Variants in SYT11 observed in about 807,000 individuals in gnomAD.
SYT11 encodes the protein synaptotagmin 11.
In SYT11, 12 loss-of-function variants were observed where a neutral mutation model predicts 30.4. The ratio of observed to expected loss-of-function variants is 0.39; its 90% CI spans 0.25 to 0.64. The LOEUF (loss-of-function observed/expected upper bound fraction) is 0.64. Ranked by LOEUF, SYT11 falls within the 30% of genes least tolerant of loss-of-function variation. The pLI is 0.45. For synonymous variants in SYT11, 204 were observed against 216.0 expected (o/e 0.94, Z 0.49); for missense variants, 412 against 552.0 (o/e 0.75, Z 2.54).
At chr1:155,863,418 A>C (rs1672622584) in intron 1 of SYT11, among the ~76,000 whole-genome samples, 1 of 151,896 alleles carries the variant, frequency 6.6e-6, no homozygotes, top group African/African-American at 2.4e-5. Flanking sequence ...GCACCACTGC[A>C]CTCCAGCCTG....
Position 155,859,661 on chromosome 1 carries a change from C to T in SYT11, c.-101C>T. On this transcript the variant is annotated 5_prime_UTR_variant, in exon 1 of 4. Coordinates refer to ENST00000368324, the MANE Select transcript of SYT11 (RefSeq NM_152280.5). ...GTCCGCTGGATACCTTCCCCCTTCC[C>T]TGACCTAGAGCTCTACAGCTGCTGC... The T allele has an allele frequency of 8.4e-7, 1 of 1,185,486 alleles. No individual in the cohort carries two copies. The highest frequency in any genetic ancestry group is 1.5e-5 in the African/African-American group (1 of 66,376). 73.4% of individuals were successfully genotyped at this position (1,185,486 alleles called of 1,614,324 possible).
chr1:155,861,853 G>A lies in SYT11; in HGVS notation c.34+2058G>A, dbSNP rs144721822. Among the ~76,000 whole-genome samples, 1,225 of 152,290 alleles carry A rather than the reference G, an allele frequency of 8.0e-3. 18 individuals carry two copies. Among genetic ancestry groups the A allele is most frequent in the African/African-American group, 0.028 (1,165 of 41,550 alleles). The stretch of plus-strand genomic sequence containing the variant: ...GGCTGGTCTTGAACTCCCGACCTCA[G>A]GTGATCTGCCTACCTTGGCCTCCCA... On this transcript the variant is annotated intron_variant, in intron 1 of 3. Transcript: ENST00000368324.
At chr1:155,879,129 T>C (rs927493666) in intron 2 of SYT11, among the ~76,000 whole-genome samples, 1 of 151,494 alleles carries the variant, frequency 6.6e-6, no homozygotes, top group African/African-American at 2.4e-5. Context: ...AAAATGTTCT[T>C]GGAGGGGCCA....
At chr1:155,863,952 A>G (rs1672630884) in intron 1 of SYT11, among the ~76,000 whole-genome samples, 2 of 152,102 alleles carry the variant, frequency 1.3e-5, no homozygotes, top group African/African-American at 4.8e-5. Context: ...ATGATGGCAC[A>G]TGCCTGTAGT....
At chr1:155,862,183 C>T (rs1020504589) in intron 1 of SYT11, among the ~76,000 whole-genome samples, 1 of 152,202 alleles carries the variant, frequency 6.6e-6, no homozygotes, top group African/African-American at 2.4e-5. Flanking sequence ...AATGCCACAG[C>T]ACTTGGGTGA....
At chr1:155,873,520 T>C (rs1282122237) in intron 2 of SYT11, among the ~76,000 whole-genome samples, 2 of 152,220 alleles carry the variant, frequency 1.3e-5, no homozygotes, top group East Asian at 3.8e-4. Flanking sequence ...ATTTAGTATT[T>C]AGATACTCAG....
At chr1:155,879,800 C>T (rs1243241956) in intron 2 of SYT11, among the ~76,000 whole-genome samples, 1 of 152,204 alleles carries the variant, frequency 6.6e-6, no homozygotes, top group Non-Finnish European at 1.5e-5. Flanking sequence ...TTATTTAATC[C>T]TTCTGATAAT....
At chr1:155,874,147 G>T (rs1232685064) in intron 2 of SYT11, among the ~76,000 whole-genome samples, 3 of 151,866 alleles carry the variant, frequency 2.0e-5, no homozygotes, top group Non-Finnish European at 4.4e-5. Flanking sequence ...GGTGATTCAC[G>T]CCGGTAATCC....
In SYT11 at chr1:155,859,690, G is replaced by C. The variant is rs1672515634; in HGVS notation, c.-72G>C. 3.4e-6 allele frequency: 5 copies of C among 1,458,914 alleles called. No individual in the cohort carries two copies. The highest frequency in any genetic ancestry group is 1.4e-5 in the African/African-American group (1 of 71,774). 90.4% of individuals were successfully genotyped at this position (1,458,914 alleles called of 1,614,324 possible). A position where few individuals can be genotyped will look rare whatever the true frequency, so the allele number is the denominator to read the frequency against. ...CCTAGAGCTCTACAGCTGCTGCCTC[G>C]GTACTGACCGAGGGTTCCCAGAGCT... On this transcript the variant is annotated 5_prime_UTR_variant, in exon 1 of 4. Transcript: ENST00000368324.
intron 2 of SYT11, among the ~76,000 whole-genome samples, chr1:155,876,305 G>A (rs990563842): frequency 1.4e-4 from 19 of 135,200 alleles, no homozygotes; most frequent in Non-Finnish European, 2.5e-4. Context: ...GAGTGCAGTG[G>A]CGCGATCTCG....
intron 1 of SYT11, among the ~76,000 whole-genome samples, chr1:155,861,866 C>T (rs1672597727): frequency 6.6e-6 from 1 of 152,226 alleles, no homozygotes; most frequent in African/African-American, 2.4e-5. Flanking sequence ...GATCTGCCTA[C>T]CTTGGCCTCC....
rs1407973412 is a variant in SYT11, at chr1:155,883,926, TCTGA to T, written c.*2421_*2424del. 3.9e-5 allele frequency: 6 copies of T among 152,366 alleles called. No homozygotes were observed. Among genetic ancestry groups the T allele is most frequent in the Non-Finnish European group, 7.3e-5 (5 of 68,104 alleles). The allele number at this position is 152,366 out of a possible 1,614,324, so 9.4% of individuals were successfully genotyped here. On this transcript the variant is annotated 3_prime_UTR_variant, in exon 4 of 4. Coordinates refer to ENST00000368324, the MANE Select transcript of SYT11 (RefSeq NM_152280.5). The stretch of plus-strand genomic sequence containing the variant: ...CCCTGCCAACCCCCACCCCCCATAA[TCTGA>T]CTCACAACTTCACCATCAGTTGGGG...
chr1:155,879,462 A>T (rs764890613), intron 2 of SYT11, among the ~76,000 whole-genome samples: 1 of 152,148 alleles, frequency 6.6e-6, no homozygotes, highest in East Asian at 1.9e-4. Flanking sequence ...CAAGCTCAAA[A>T]TGGAGCCTAG....
Position 155,868,003 on chromosome 1 carries a change from G to A in SYT11, c.73G>A (p.Val25Met), listed in dbSNP as rs1428063497. ...GGTGGCCGGCCTCATCGGGGCCTCT[G>A]TGCTGGTGGTGTGTGTCTCGGTGAC... is the stretch of plus-strand genomic sequence containing the variant. ...PVVAGLIGAS[V>M]LVVCVSVTVF... is the part of the protein sequence containing the mutation. The change falls in exon 2 of 4, where the codon GTG (valine) becomes ATG (methionine). Residue 25 changes from valine to methionine, a missense_variant. Coordinates refer to ENST00000368324, the MANE Select transcript of SYT11 (RefSeq NM_152280.5). This position sits in a 1 kb window ranked among gnomAD's most constrained non-coding sequence, Gnocchi z 4.7. 5 of 1,612,720 alleles carry A rather than the reference G, an allele frequency of 3.1e-6. No homozygotes were observed. The highest frequency in any genetic ancestry group is 4.2e-6 in the Non-Finnish European group (5 of 1,179,732).
chr1:155,860,013 C>A lies in SYT11; in HGVS notation c.34+218C>A, dbSNP rs753452876. On this transcript the variant is annotated intron_variant, in intron 1 of 3. Coordinates refer to ENST00000368324, the MANE Select transcript of SYT11 (RefSeq NM_152280.5). The surrounding 1 kb of genome is among the most constrained non-coding windows in gnomAD (Gnocchi z 4.1). ...GGGACTGGCAGGGCCTGAGCCACACCGAGGGTGGGGAAGTCCAGGATGCTA... is the reference window on the plus strand; with the variant it reads ...GGGACTGGCAGGGCCTGAGCCACACAGAGGGTGGGGAAGTCCAGGATGCTA... Among the ~76,000 whole-genome samples the A allele has an allele frequency of 2.0e-5, 3 of 152,182 alleles. No homozygotes were observed. Among genetic ancestry groups the A allele is most frequent in the Non-Finnish European group, 4.4e-5 (3 of 68,036 alleles).
chr1:155,868,202 G>A lies in SYT11; in HGVS notation c.272G>A (p.Arg91His), dbSNP rs528248189. The part of the protein sequence containing the change: ...DKDGPGREGG[R>H]RNLLVDAAEA... Reference sequence around the variant, plus strand: ...GATGGTCCTGGGAGGGAAGGTGGACGTAGGAACCTGTTGGTGGACGCAGCA... The same window carrying A: ...GATGGTCCTGGGAGGGAAGGTGGACATAGGAACCTGTTGGTGGACGCAGCA... Residue 91 changes from arginine to histidine, a missense_variant, in exon 2 of 4, where the codon CGT becomes CAT. By Grantham distance (29) the Arg-to-His change is conservative. Transcript: ENST00000368324. This position sits in a 1 kb window ranked among gnomAD's most constrained non-coding sequence, Gnocchi z 4.7. 3.2e-5 allele frequency: 52 copies of A among 1,614,162 alleles called. No homozygotes were observed. Among genetic ancestry groups the A allele is most frequent in the South Asian group, 1.6e-4 (15 of 91,088 alleles).
chr1:155,880,454 C>T (rs1313825683), intron 2 of SYT11, 46 bp from the exon 3 acceptor site: 3 of 1,608,852 alleles, frequency 1.9e-6, no homozygotes, highest in Admixed American at 1.7e-5. Flanking sequence ...TGTGCTCTGC[C>T]CTGCACCCTC....
At chr1:155,875,249 C>A (rs76537191) in intron 2 of SYT11, among the ~76,000 whole-genome samples, 3,220 of 87,632 alleles carry the variant, frequency 0.037, no homozygotes, top group East Asian at 0.084. Context: ...GACTTCATCT[C>A]AAAAAAAAAA....
Position 155,882,970 on chromosome 1 carries a change from AAC to A in SYT11, c.*1464_*1465del, listed in dbSNP as rs1238078799. 6.6e-6 allele frequency: 1 copy of A among 152,374 alleles called. No individual in the cohort carries two copies. The highest frequency in any genetic ancestry group is 2.4e-5 in the African/African-American group (1 of 41,454). The allele number at this position is 152,374 out of a possible 1,614,324, so 9.4% of individuals were successfully genotyped here. On this transcript the variant is annotated 3_prime_UTR_variant, in exon 4 of 4. Coordinates refer to ENST00000368324, the MANE Select transcript of SYT11 (RefSeq NM_152280.5). ...ATAAAAATTTAGCTCTTAAAAAAAT[AAC>A]AGTGTGACTGAGTGAATGAAGATAA...
Sources: allele counts gnomAD v4.1 joint callset (sites outside exome capture counted in the v4.1 genomes callset), GRCh38; gene constraint gnomAD v4.1.1; non-coding constraint Gnocchi (gnomAD v3.1); transcripts MANE v1.5; gene names NCBI Gene and HGNC (gene_info 2026-07-23, HGNC 2026-07-21).